The following REDIC1 variants were observed in gnomAD, a reference collection of about 807,000 sequenced individuals.
The protein encoded by REDIC1 is HEI10 Interacting Protein 1.
chr12:39,872,060 G>A, the REDIC1 span: 2 of 1,009,396 alleles, frequency 2.0e-6, no homozygotes, highest in Non-Finnish European at 2.7e-6. Context: ...AAAAATATAA[G>A]GAGAACTACA....
chr12:39,749,483 C>A, the REDIC1 span, among the ~76,000 whole-genome samples: 2 of 152,120 alleles, frequency 1.3e-5, no homozygotes, highest in Non-Finnish European at 2.9e-5. Context: ...TCGAATTCTA[C>A]CAGAGGTACA....
the REDIC1 span, chr12:39,830,193 C>A: frequency 6.2e-7 from 1 of 1,613,612 alleles, no homozygotes; most frequent in African/African-American, 1.3e-5. Context: ...GTAGCAGAAA[C>A]CGCAGTCTGG....
the REDIC1 span, among the ~76,000 whole-genome samples, chr12:39,815,859 A>C: frequency 6.6e-6 from 1 of 152,248 alleles, no homozygotes; most frequent in Non-Finnish European, 1.5e-5. Flanking sequence ...CCAATTGTCA[A>C]ATAAATATAG....
At chr12:39,853,335 G>A in the REDIC1 span, among the ~76,000 whole-genome samples, 5 of 151,868 alleles carry the variant, frequency 3.3e-5, no homozygotes, top group Non-Finnish European at 7.4e-5. Context: ...GCAATACTTT[G>A]GAAAGATAAC....
At chr12:39,786,697 TAGAC>T in the REDIC1 span, among the ~76,000 whole-genome samples, 1 of 152,202 alleles carries the variant, frequency 6.6e-6, no homozygotes, top group African/African-American at 2.4e-5. Flanking sequence ...TGGGGGAACT[TAGAC>T]AGACAGTATT....
chr12:39,714,171 A>G, the REDIC1 span, among the ~76,000 whole-genome samples: 123 of 141,706 alleles, frequency 8.7e-4, 3 homozygotes, highest in African/African-American at 3.3e-3. Context: ...ATATGCGTAT[A>G]TGTATATACA....
chr12:39,844,279 T>G, the REDIC1 span, among the ~76,000 whole-genome samples: 2 of 152,084 alleles, frequency 1.3e-5, no homozygotes, highest in South Asian at 4.1e-4. Context: ...ATAGGGTAGA[T>G]AGACAGTCCT....
the REDIC1 span, among the ~76,000 whole-genome samples, chr12:39,677,685 A>T: frequency 6.6e-6 from 1 of 152,184 alleles, no homozygotes; most frequent in Non-Finnish European, 1.5e-5. Context: ...AGACCATATG[A>T]TAGGCTGCAA....
chr12:39,866,604 G>C, the REDIC1 span, among the ~76,000 whole-genome samples: 1 of 151,880 alleles, frequency 6.6e-6, no homozygotes, highest in Admixed American at 6.6e-5. Context: ...CTCAGCCTCT[G>C]GAGTAGCTGG....
the REDIC1 span, among the ~76,000 whole-genome samples, chr12:39,783,043 C>T: frequency 3.9e-5 from 6 of 152,140 alleles, no homozygotes; most frequent in Admixed American, 2.0e-4. Context: ...ACGACAGGCC[C>T]TGGTGTGTGA....
the REDIC1 span, among the ~76,000 whole-genome samples, chr12:39,753,395 CTT>C: frequency 6.8e-6 from 1 of 147,868 alleles, no homozygotes; most frequent in Admixed American, 6.6e-5. Flanking sequence ...ATTTTCTAAA[CTT>C]ATTTTTATTT....
the REDIC1 span, among the ~76,000 whole-genome samples, chr12:39,718,556 C>G: frequency 2.0e-5 from 3 of 152,038 alleles, no homozygotes; most frequent in African/African-American, 2.4e-5. Flanking sequence ...TAAATAAGGG[C>G]AATCTTGGTC....
the REDIC1 span, among the ~76,000 whole-genome samples, chr12:39,737,863 T>C: frequency 6.6e-6 from 1 of 152,214 alleles, no homozygotes; most frequent in Non-Finnish European, 1.5e-5. Context: ...GCCTTGCTTG[T>C]CCCTGATTTG....
At chr12:39,711,913 A>G in the REDIC1 span, among the ~76,000 whole-genome samples, 1 of 138,286 alleles carries the variant, frequency 7.2e-6, no homozygotes, top group East Asian at 2.4e-4. Context: ...ACACATGTAT[A>G]TACACATACA....
the REDIC1 span, among the ~76,000 whole-genome samples, chr12:39,657,153 TG>T: frequency 2.0e-5 from 3 of 152,232 alleles, no homozygotes; most frequent in Non-Finnish European, 4.4e-5. Context: ...ACGTGTCCTT[TG>T]CAGATGTGCC....
At chr12:39,771,508 T>G in the REDIC1 span, among the ~76,000 whole-genome samples, 2 of 152,094 alleles carry the variant, frequency 1.3e-5, no homozygotes, top group East Asian at 3.9e-4. Flanking sequence ...TGAATTCTGC[T>G]AACAAAAATG....
the REDIC1 span, among the ~76,000 whole-genome samples, chr12:39,820,717 TTA>T: frequency 1.6e-4 from 21 of 132,520 alleles, no homozygotes; most frequent in Non-Finnish European, 1.8e-4. Flanking sequence ...ATTTTTAAAT[TTA>T]TATATATATA....
At chr12:39,715,335 A>T in the REDIC1 span, among the ~76,000 whole-genome samples, 1 of 151,550 alleles carries the variant, frequency 6.6e-6, no homozygotes, top group Non-Finnish European at 1.5e-5. Context: ...TCCCCACTTT[A>T]TGTTTCGTTT....
chr12:39,875,441 T>G, the REDIC1 span, among the ~76,000 whole-genome samples: 1 of 152,206 alleles, frequency 6.6e-6, no homozygotes, highest in African/African-American at 2.4e-5. Flanking sequence ...GTAAACTGAT[T>G]AGCACATTTA....
Sources: gnomAD v4.1 joint callset for allele counts (sites outside exome capture counted in the v4.1 genomes callset) on GRCh38, gnomAD v4.1.1 for gene constraint, MANE v1.5 for transcripts, NCBI Gene and HGNC (gene_info 2026-07-23, HGNC 2026-07-21) for gene names.